The following DBN1 variants were observed in gnomAD, a reference collection of about 807,000 sequenced individuals.
DBN1 encodes the protein drebrin.
DBN1 carries 21 observed loss-of-function variants against 83.5 expected under a neutral mutation model. The observed-to-expected ratio is 0.25, with a 90% CI of 0.18 to 0.36. The LOEUF is 0.36. DBN1 is among the 10% of genes least tolerant of loss of function. DBN1 has a pLI of 1.00. For synonymous variants in DBN1, 381 were observed against 384.9 expected, an observed-to-expected ratio of 0.99 and a Z score of 0.12; for missense variants, 874 against 935.7, an observed-to-expected ratio of 0.93 and a Z score of 0.86.
Position 177,467,085 on chromosome 5 carries a change from G to A in DBN1, c.556-23C>T. The A allele has an allele frequency of 1.2e-6, 2 of 1,613,336 alleles. No homozygotes were observed. Among genetic ancestry groups the A allele is most frequent in the Non-Finnish European group, 8.5e-7 (1 of 1,179,840 alleles). ...CTTCTGCAAGCCCCGGTGCGAACAA[G>A]GGTAGGCCCCGAGCCTAGGCGCCTG... On this transcript the variant is annotated intron_variant, in intron 6 of 14. Transcript: ENST00000393565. This position sits in a 1 kb window ranked among gnomAD's most constrained non-coding sequence, Gnocchi z 9.1.
rs369590390 is a variant in DBN1, at chr5:177,467,830, C to A, written c.256-13G>T. ...CATCTTCGCCCACCTGCAAAGTACC[C>A]AGCAAAGAGGGGGTCAGGAAAGGAC... On this transcript the variant is annotated splice_polypyrimidine_tract_variant and intron_variant, in intron 3 of 14. Coordinates refer to ENST00000393565, the MANE Select transcript of DBN1 (RefSeq NM_001363541.2). The surrounding 1 kb of genome is among the most constrained non-coding windows in gnomAD (Gnocchi z 9.1). 1.2e-5 allele frequency: 19 copies of A among 1,569,602 alleles called. No homozygotes were observed. The highest frequency in any genetic ancestry group is 1.6e-5 in the Non-Finnish European group (19 of 1,157,860).
At chr5:177,468,769 G>T in intron 2 of DBN1, 75 bp downstream of exon 2, 2 of 1,073,062 alleles carry the variant, frequency 1.9e-6, no homozygotes, top group Non-Finnish European at 2.5e-6. Context: ...GTGGCCTACA[G>T]CCAGGTGGGT....
rs1581712271 is a variant in DBN1 at position 177,457,729 on chromosome 5, T to C, written c.1943A>G (p.Gln648Arg). The C allele has an allele frequency of 2.5e-6, 4 of 1,611,926 alleles. No individual in the cohort carries two copies. Among genetic ancestry groups the C allele is most frequent in the Non-Finnish European group, 2.5e-6 (3 of 1,178,212 alleles). ...QASEGYFSQS[Q>R]EEEFAQSEEL... ...TTCCGATTGGGCAAACTCCTCCTCC[T>C]GTGATTGACTGAAGTACCCCTCACT... The change falls in exon 14 of 15, where the codon CAG becomes CGG. Residue 648 changes from glutamine to arginine, a missense_variant. By Grantham distance (43) the Gln-to-Arg change is conservative. Coordinates refer to ENST00000393565, the MANE Select transcript of DBN1 (RefSeq NM_001363541.2).
chr5:177,470,271 A>G (rs1183023575), intron 1 of DBN1, among the ~76,000 whole-genome samples: 1 of 152,186 alleles, frequency 6.6e-6, no homozygotes, highest in Non-Finnish European at 1.5e-5. Flanking sequence ...CCACCACGGG[A>G]ACAAAGGGCC....
At chr5:177,459,358 T>C in intron 11 of DBN1, 90 bp from the exon 12 acceptor site, 1 of 1,523,398 alleles carries the variant, frequency 6.6e-7, no homozygotes, top group Non-Finnish European at 8.7e-7. Context: ...GCACCTCCTC[T>C]CTGGAATCTG....
chr5:177,463,533 G>T (rs1047853002), intron 8 of DBN1, among the ~76,000 whole-genome samples: 1 of 152,240 alleles, frequency 6.6e-6, no homozygotes, highest in African/African-American at 2.4e-5. Flanking sequence ...CGTAACAGGG[G>T]AGAGAAAGCA....
chr5:177,473,376 A>T lies in DBN1; in HGVS notation c.86+60T>A, dbSNP rs1757991050. 4 of 1,019,936 alleles carry T rather than the reference A, an allele frequency of 3.9e-6. No homozygotes were observed. The South Asian group carries it at 8.4e-5, about 21-fold the overall frequency. The allele number at this position is 1,019,936 out of a possible 1,614,324, so 63.2% of individuals were successfully genotyped here. A position where few individuals can be genotyped will look rare whatever the true frequency, so the allele number is the denominator to read the frequency against. Reference sequence around the variant, plus strand: ...CGGCGGGGCGGCGGGGCGGGAGAGAAACAAAGGCGCGGCGGCGGCGCGGGG... The same window carrying T: ...CGGCGGGGCGGCGGGGCGGGAGAGATACAAAGGCGCGGCGGCGGCGCGGGG... On this transcript the variant is annotated intron_variant, in intron 1 of 14. Transcript: ENST00000393565.
At position 177,466,878 on chromosome 5, in the gene DBN1, G is replaced by A. The variant is rs1757477986; in HGVS notation, c.707+33C>T. On this transcript the variant is annotated intron_variant, in intron 7 of 14. Transcript: ENST00000393565. This position sits in a 1 kb window ranked among gnomAD's most constrained non-coding sequence, Gnocchi z 4.8. ...CAGCACCCGTCAGGGTGCGCCCGGGGGCCCCTGGAGCGCTCCGGGCGGGCA... is the reference window on the plus strand; with the variant it reads ...CAGCACCCGTCAGGGTGCGCCCGGGAGCCCCTGGAGCGCTCCGGGCGGGCA... The A allele has an allele frequency of 1.2e-6, 2 of 1,613,712 alleles. No homozygotes were observed. The highest frequency in any genetic ancestry group is 1.7e-6 in the Non-Finnish European group (2 of 1,179,836).
At position 177,467,614 on chromosome 5, in the gene DBN1, A is replaced by G; in HGVS notation, c.344T>C (p.Ile115Thr). 2.8e-5 allele frequency: 44 copies of G among 1,573,052 alleles called. No homozygotes were observed. The highest frequency in any genetic ancestry group is 3.5e-5 in the Non-Finnish European group (41 of 1,159,148). Residue 115 changes from isoleucine to threonine, a missense_variant, in exon 5 of 15, where the codon ATC becomes ACC. This residue lies in a region of DBN1 where 65 missense variants were observed against 97.3 expected (regional missense o/e 0.67). Coordinates refer to ENST00000393565, the MANE Select transcript of DBN1 (RefSeq NM_001363541.2). The surrounding 1 kb of genome is among the most constrained non-coding windows in gnomAD (Gnocchi z 9.1). ...GTCTTCCACGCTGCTGGCGTTCACG[A>G]TCACGTCGACACCCTTCCGCAAGAA... The part of the protein sequence containing the change: ...VAEFFQGVDV[I>T]VNASSVEDID...
chr5:177,472,543 TG>T (rs1481878857), intron 1 of DBN1: 5 of 655,174 alleles, frequency 7.6e-6, no homozygotes, highest in African/African-American at 6.0e-5. Flanking sequence ...AGACAACAGC[TG>T]GGGGGCGGGG....
At position 177,467,197 on chromosome 5, in the gene DBN1, C is replaced by T; in HGVS notation, c.555+58G>A. ...ATGCCACTGCAGTGAGGGACTCAGA[C>T]CTGCCCCATGGGGTCCATGAGGGGT... is the stretch of plus-strand genomic sequence containing the variant. On this transcript the variant is annotated intron_variant, in intron 6 of 14. Coordinates refer to ENST00000393565, the MANE Select transcript of DBN1 (RefSeq NM_001363541.2). This position sits in a 1 kb window ranked among gnomAD's most constrained non-coding sequence, Gnocchi z 9.1. 6.2e-6 allele frequency: 10 copies of T among 1,610,414 alleles called. No homozygotes were observed. In the South Asian group the frequency reaches 9.9e-5, roughly 16 times the overall value.
Position 177,467,855 on chromosome 5 carries a change from C to T in DBN1, c.256-38G>A. On this transcript the variant is annotated intron_variant, in intron 3 of 14. Transcript: ENST00000393565. This position sits in a 1 kb window ranked among gnomAD's most constrained non-coding sequence, Gnocchi z 9.1. The stretch of plus-strand genomic sequence containing the variant: ...CAGCAAAGAGGGGGTCAGGAAAGGA[C>T]AAGGGGGGCCCTACACGATAGGGTG... 11 of 1,579,872 alleles carry T rather than the reference C, an allele frequency of 7.0e-6. No homozygotes were observed. The highest frequency in any genetic ancestry group is 9.5e-6 in the Non-Finnish European group (11 of 1,161,810).
intron 1 of DBN1, chr5:177,472,391 A>G: frequency 6.9e-7 from 1 of 1,455,332 alleles, no homozygotes; most frequent in East Asian, 2.7e-5. Flanking sequence ...CCAGATGGGC[A>G]CCTTCCCTAG....
At chr5:177,473,383 G>T in intron 1 of DBN1, 53 bp downstream of exon 1, 1 of 1,083,244 alleles carries the variant, frequency 9.2e-7, no homozygotes, top group Non-Finnish European at 1.2e-6. Flanking sequence ...AGAAACAAAG[G>T]CGCGGCGGCG....
chr5:177,473,406 AGGGGCC>A (rs1469540648), intron 1 of DBN1, 24 bp downstream of exon 1: 1 of 1,237,434 alleles, frequency 8.1e-7, no homozygotes, highest in Non-Finnish European at 1.1e-6. Context: ...GCGGGGACAA[AGGGGCC>A]GGGGGCGGGG....
At chr5:177,459,295 G>A (rs778722477) in intron 11 of DBN1, 27 bp from the exon 12 acceptor site, 1 of 1,598,496 alleles carries the variant, frequency 6.3e-7, no homozygotes, top group Non-Finnish European at 8.5e-7. Context: ...AGGTGGGTCA[G>A]TGAGGGCGGG....
intron 1 of DBN1, among the ~76,000 whole-genome samples, chr5:177,471,095 C>T (rs1275947870): frequency 2.0e-5 from 3 of 152,108 alleles, no homozygotes; most frequent in East Asian, 3.9e-4. Flanking sequence ...ACTGAACTAG[C>T]GTGAGGTGGG....
intron 10 of DBN1, 77 bp downstream of exon 10, chr5:177,460,355 T>G: frequency 6.2e-7 from 1 of 1,603,540 alleles, no homozygotes. Flanking sequence ...AAGGCCTCCC[T>G]TCTGAGAGAG....
intron 11 of DBN1, 99 bp downstream of exon 11, chr5:177,459,504 C>A: frequency 1.4e-6 from 2 of 1,384,370 alleles, no homozygotes; most frequent in Admixed American, 3.0e-5. Context: ...GGGGCAAACA[C>A]CAGAGATCAG....
Sources: gnomAD v4.1 joint callset for allele counts (sites outside exome capture counted in the v4.1 genomes callset) on GRCh38, gnomAD v4.1.1 for gene constraint, gnomAD v4.1.1 regional missense constraint, Gnocchi (gnomAD v3.1) non-coding constraint, MANE v1.5 for transcripts, NCBI Gene and HGNC (gene_info 2026-07-23, HGNC 2026-07-21) for gene names.